NR2C2: variants seen among roughly 807,000 people sequenced by gnomAD.
NR2C2 encodes Nuclear hormone receptor TR4.
Under a neutral mutation model 62.9 loss-of-function variants are expected in NR2C2, and 6 were observed. That is an observed-to-expected ratio of 0.10 (90% confidence interval 0.05 to 0.19). The LOEUF (loss-of-function observed/expected upper bound fraction) is 0.19. Among genes scored for constraint, NR2C2 ranks in the 10% least tolerant of loss-of-function variants. The pLI, the probability that NR2C2 is intolerant of heterozygous loss-of-function variation, is 1.00. For missense variants in NR2C2, 479 were observed against 762.7 expected (o/e 0.63, Z 4.38); for synonymous variants, 272 against 273.8 (o/e 0.99, Z 0.07).
rs1199138035 is a variant in NR2C2, at chr3:15,045,562, T to C, written c.*2554T>C. The C allele has an allele frequency of 2.6e-5, 4 of 152,650 alleles. No individual in the cohort carries two copies. The highest frequency in any genetic ancestry group is 9.6e-5 in the African/African-American group (4 of 41,454). The allele number at this position is 152,650 out of a possible 1,614,324, so 9.5% of individuals were successfully genotyped here. ...CTCTTGGCCTTACTTTGAAGTGGCC[T>C]TTTCTTTAAGGATCATGTCCACGTA... On this transcript the variant is annotated 3_prime_UTR_variant, in exon 14 of 14. Transcript: ENST00000425241.
chr3:15,012,246 G>A (rs1171841997), intron 2 of NR2C2, among the ~76,000 whole-genome samples: 1 of 150,204 alleles, frequency 6.7e-6, no homozygotes, highest in Non-Finnish European at 1.5e-5. Flanking sequence ...TTTTTTTGGA[G>A]ACGGAGTTTC....
At chr3:14,986,431 A>G (rs1022593081) in intron 1 of NR2C2, among the ~76,000 whole-genome samples, 9 of 152,176 alleles carry the variant, frequency 5.9e-5, no homozygotes, top group African/African-American at 2.2e-4. Flanking sequence ...AGAATAAGTG[A>G]GACTAGACTT....
chr3:15,037,113 CAAAAAA>C (rs1194047301), intron 11 of NR2C2, among the ~76,000 whole-genome samples: 1 of 128,718 alleles, frequency 7.8e-6, no homozygotes, highest in Non-Finnish European at 1.7e-5. Context: ...GAGTGAGACT[CAAAAAA>C]AAAAAAACCC....
chr3:14,968,326 A>G (rs1308873708), intron 1 of NR2C2, among the ~76,000 whole-genome samples: 3 of 152,234 alleles, frequency 2.0e-5, no homozygotes, highest in Non-Finnish European at 4.4e-5. Context: ...TGGGCAAAGG[A>G]CATGAACAGA....
intron 1 of NR2C2, among the ~76,000 whole-genome samples, chr3:14,976,672 G>A (rs987246863): frequency 1.4e-5 from 2 of 142,930 alleles, no homozygotes; most frequent in South Asian, 4.5e-4. Flanking sequence ...TGCATCAGAG[G>A]TGATTTTCAA....
chr3:14,987,743 G>C (rs1490892141), intron 1 of NR2C2, among the ~76,000 whole-genome samples: 8 of 152,162 alleles, frequency 5.3e-5, no homozygotes, highest in Non-Finnish European at 1.2e-4. Context: ...TGTTCCCAGT[G>C]CCTGAAATAC....
rs2042540119 is a variant in NR2C2, at chr3:15,048,630, T to A, written c.*5622T>A. 2 of 152,626 alleles carry A rather than the reference T, an allele frequency of 1.3e-5. No homozygotes were observed. Among genetic ancestry groups the A allele is most frequent in the Non-Finnish European group, 2.9e-5 (2 of 68,034 alleles). 9.5% of individuals were successfully genotyped at this position (152,626 alleles called of 1,614,324 possible). A position where few individuals can be genotyped will look rare whatever the true frequency, so the allele number is the denominator to read the frequency against. ...ATGGCTTTTCTTTAGGAAAGTATAA[T>A]CAATTATTTTAATGACCATAGCATT... On this transcript the variant is annotated 3_prime_UTR_variant, in exon 14 of 14. Coordinates refer to ENST00000425241, the MANE Select transcript of NR2C2 (RefSeq NM_001291694.2).
At chr3:14,972,642 T>C (rs1559537287) in intron 1 of NR2C2, among the ~76,000 whole-genome samples, 1 of 152,226 alleles carries the variant, frequency 6.6e-6, no homozygotes, top group Non-Finnish European at 1.5e-5. Flanking sequence ...TAGTCCATTC[T>C]TGCATTGCTA....
chr3:14,970,225 C>A (rs1559535529), intron 1 of NR2C2, among the ~76,000 whole-genome samples: 2 of 118,934 alleles, frequency 1.7e-5, no homozygotes, highest in Non-Finnish European at 3.1e-5. Flanking sequence ...ATTTCTAATT[C>A]TTGATTTATC....
intron 1 of NR2C2, among the ~76,000 whole-genome samples, chr3:14,963,713 G>C (rs555781389): frequency 2.6e-5 from 4 of 152,004 alleles, no homozygotes; most frequent in Non-Finnish European, 4.4e-5. Context: ...CTCGTGATCC[G>C]CCTGCCTCTG....
At chr3:15,027,990 C>T (rs1431457602) in intron 7 of NR2C2, among the ~76,000 whole-genome samples, 1 of 152,084 alleles carries the variant, frequency 6.6e-6, no homozygotes, top group African/African-American at 2.4e-5. Flanking sequence ...TCCCAAGTAC[C>T]TGGGGTTACA....
At chr3:14,987,906 AT>A (rs547542502) in intron 1 of NR2C2, among the ~76,000 whole-genome samples, 7 of 152,330 alleles carry the variant, frequency 4.6e-5, no homozygotes, top group African/African-American at 1.7e-4. Flanking sequence ...CAGAATAAAT[AT>A]CATCTTTTCC....
intron 1 of NR2C2, among the ~76,000 whole-genome samples, chr3:14,974,848 C>CCCAG (rs1475349305): frequency 6.6e-6 from 1 of 152,122 alleles, no homozygotes; most frequent in Non-Finnish European, 1.5e-5. Context: ...AAGTGATCTG[C>CCCAG]CCACCTTGGC....
At chr3:15,008,684 C>G (rs2041260673) in intron 2 of NR2C2, among the ~76,000 whole-genome samples, 1 of 152,184 alleles carries the variant, frequency 6.6e-6, no homozygotes, top group Non-Finnish European at 1.5e-5. Flanking sequence ...TGTATGAGAT[C>G]ATTCCAGGGT....
At chr3:15,004,506 AT>A in intron 2 of NR2C2, 1 of 1,529,652 alleles carries the variant, frequency 6.5e-7, no homozygotes, top group Non-Finnish European at 8.9e-7. Flanking sequence ...CTTATTACTA[AT>A]ATTGTTATTA....
intron 1 of NR2C2, among the ~76,000 whole-genome samples, chr3:14,976,392 A>G (rs1247584838): frequency 1.3e-5 from 2 of 152,162 alleles, no homozygotes; most frequent in African/African-American, 4.8e-5. Flanking sequence ...TCTCCAACAT[A>G]GTTGTAAAAC....
intron 1 of NR2C2, among the ~76,000 whole-genome samples, chr3:14,993,263 G>A (rs2040720082): frequency 6.6e-6 from 1 of 152,076 alleles, no homozygotes. Context: ...ACACCAGCCT[G>A]GCCAACATGG....
At chr3:15,014,120 G>A (rs2041433156) in intron 3 of NR2C2, among the ~76,000 whole-genome samples, 1 of 152,142 alleles carries the variant, frequency 6.6e-6, no homozygotes, top group South Asian at 2.1e-4. Flanking sequence ...TATTTTAAAG[G>A]TACCACCTAG....
At chr3:15,027,254 C>T (rs2041849220) in intron 7 of NR2C2, among the ~76,000 whole-genome samples, 1 of 152,244 alleles carries the variant, frequency 6.6e-6, no homozygotes, top group African/African-American at 2.4e-5. Context: ...CTGCCTCGGC[C>T]TCCCAAAGTG....
Sources: gnomAD v4.1 joint callset for allele counts (sites outside exome capture counted in the v4.1 genomes callset) on GRCh38, gnomAD v4.1.1 for gene constraint, MANE v1.5 for transcripts, NCBI Gene and HGNC (gene_info 2026-07-23, HGNC 2026-07-21) for gene names.